The following CPEB3 variants were observed in gnomAD, a reference collection of about 807,000 sequenced individuals.
The protein encoded by CPEB3 is cytoplasmic polyadenylation element binding protein 3, also known as cytoplasmic polyadenylation element-binding protein 3.
A neutral mutation model predicts 67.2 loss-of-function variants in CPEB3; 20 were observed. The ratio of observed to expected loss-of-function variants is 0.30; its 90% confidence interval spans 0.21 to 0.43. The LOEUF (loss-of-function observed/expected upper bound fraction) is 0.43, where lower values mean the gene tolerates loss of function less well. CPEB3 is among the 20% of genes least tolerant of loss of function. The pLI is 1.00. For synonymous variants in CPEB3, 376 were observed against 393.1 expected (o/e 0.96, Z 0.51); for missense variants, 746 against 968.6 (o/e 0.77, Z 3.05).
intron 6 of CPEB3, among the ~76,000 whole-genome samples, chr10:92,123,389 GCAAGGAC>G (rs11279982): frequency 0.68 from 103,237 of 151,300 alleles, 37,001 homozygotes; most frequent in African/African-American, 0.91. Flanking sequence ...TAAGTCACAG[GCAAGGAC>G]CAAGGACGCT....
intron 3 of CPEB3, among the ~76,000 whole-genome samples, chr10:92,190,256 C>T (rs943930012): frequency 4.0e-5 from 6 of 151,706 alleles, no homozygotes; most frequent in East Asian, 1.9e-4. Context: ...CCAGCCTGGG[C>T]GACAAGAGCA....
At chr10:92,105,689 T>C (rs1844409367) in intron 7 of CPEB3, among the ~76,000 whole-genome samples, 1 of 151,700 alleles carries the variant, frequency 6.6e-6, no homozygotes, top group Non-Finnish European at 1.5e-5. Context: ...CTATAGATAC[T>C]GTGTATTTAT....
At chr10:92,111,474 T>C (rs1033734029) in intron 6 of CPEB3, among the ~76,000 whole-genome samples, 3 of 152,252 alleles carry the variant, frequency 2.0e-5, no homozygotes, top group East Asian at 1.9e-4. Context: ...GGACTCACCA[T>C]TGGCCTTAGC....
intron 1 of CPEB3, among the ~76,000 whole-genome samples, chr10:92,269,721 G>A (rs1384786164): frequency 6.6e-6 from 1 of 151,956 alleles, no homozygotes; most frequent in Non-Finnish European, 1.5e-5. Flanking sequence ...CTGTGCCCGG[G>A]TACTTTTTGT....
At chr10:92,190,665 CAAAAAAAAAAAAAAAAAAAAAAAAAAAA>C (rs780757034) in intron 3 of CPEB3, among the ~76,000 whole-genome samples, 1 of 78,396 alleles carries the variant, frequency 1.3e-5, no homozygotes, top group South Asian at 6.5e-4. Flanking sequence ...AACTCCATCT[CAAAAAAAAAAAAAAAAAAAAAAAAAAAA>C]AAAAAAAAAG....
At chr10:92,231,782 C>T (rs972119720) in intron 2 of CPEB3, among the ~76,000 whole-genome samples, 6 of 152,108 alleles carry the variant, frequency 3.9e-5, no homozygotes, top group African/African-American at 7.2e-5. Flanking sequence ...TGCAATGGCG[C>T]GATCTCGGCT....
chr10:92,102,013 A>G (rs1844212047), intron 7 of CPEB3, among the ~76,000 whole-genome samples: 1 of 152,186 alleles, frequency 6.6e-6, no homozygotes, highest in South Asian at 2.1e-4. Context: ...GAGCCACAAC[A>G]ATAATTGTGG....
chr10:92,167,963 A>G, intron 4 of CPEB3, among the ~76,000 whole-genome samples: 1 of 152,128 alleles, frequency 6.6e-6, no homozygotes, highest in Admixed American at 6.6e-5. Context: ...ATCACAAATC[A>G]CCATAACAGA....
At chr10:92,142,588 G>A (rs144613255) in intron 6 of CPEB3, among the ~76,000 whole-genome samples, 2,159 of 152,254 alleles carry the variant, frequency 0.014, 53 homozygotes, top group African/African-American at 0.049. Context: ...TACAGATGTG[G>A]ATAAAGATAA....
chr10:92,098,362 G>A (rs1327615258), intron 7 of CPEB3, among the ~76,000 whole-genome samples: 1 of 151,474 alleles, frequency 6.6e-6, no homozygotes, highest in East Asian at 2.0e-4. Flanking sequence ...AGGCTGGAGT[G>A]CAAAGGCACG....
chr10:92,158,263 A>G (rs868705628), intron 4 of CPEB3, among the ~76,000 whole-genome samples: 1 of 152,206 alleles, frequency 6.6e-6, no homozygotes, highest in Admixed American at 6.5e-5. Flanking sequence ...GCTAAATCAC[A>G]ATCTTAAAAA....
At chr10:92,082,817 G>T (rs57100892) in intron 8 of CPEB3, among the ~76,000 whole-genome samples, 1 of 152,074 alleles carries the variant, frequency 6.6e-6, no homozygotes, top group African/African-American at 2.4e-5. Flanking sequence ...TATAGTATTT[G>T]GAAAGGAGAA....
At chr10:92,253,913 A>G (rs1852413116) in intron 1 of CPEB3, among the ~76,000 whole-genome samples, 1 of 152,034 alleles carries the variant, frequency 6.6e-6, no homozygotes, top group Non-Finnish European at 1.5e-5. Flanking sequence ...CACCAAATGT[A>G]AAGATTTGAG....
chr10:92,173,621 G>C (rs1426052728), intron 4 of CPEB3, among the ~76,000 whole-genome samples: 1 of 152,054 alleles, frequency 6.6e-6, no homozygotes, highest in African/African-American at 2.4e-5. Flanking sequence ...TAAAGCAAAA[G>C]GTACCACCCT....
At chr10:92,132,393 T>C (rs538486788) in intron 6 of CPEB3, among the ~76,000 whole-genome samples, 4 of 152,120 alleles carry the variant, frequency 2.6e-5, no homozygotes, top group Non-Finnish European at 4.4e-5. Flanking sequence ...AAGATGTCAA[T>C]GTCAAAAGTA....
intron 4 of CPEB3, among the ~76,000 whole-genome samples, chr10:92,164,383 CAT>C (rs1454285946): frequency 6.6e-6 from 1 of 152,184 alleles, no homozygotes; most frequent in Non-Finnish European, 1.5e-5. Context: ...TATATATAAA[CAT>C]ATAACCACCA....
Position 92,050,302 on chromosome 10 carries a change from C to A in CPEB3, c.*1910G>T, listed in dbSNP as rs1841856957. On this transcript the variant is annotated 3_prime_UTR_variant, in exon 10 of 10. Coordinates refer to ENST00000265997, the MANE Select transcript of CPEB3 (RefSeq NM_014912.5). ...CTATTTTGTTTTTCCTTTTTGAAAA[C>A]AAACTATAGCTTGAGAGCCAGTAAT... is the stretch of plus-strand genomic sequence containing the variant. 1 of 152,402 alleles carries A rather than the reference C, an allele frequency of 6.6e-6. No individual in the cohort carries two copies. Among genetic ancestry groups the A allele is most frequent in the Non-Finnish European group, 1.5e-5 (1 of 67,992 alleles). The allele number at this position is 152,402 out of a possible 1,614,324, so 9.4% of individuals were successfully genotyped here.
chr10:92,137,335 A>T (rs1564809454), intron 6 of CPEB3: 3 of 848,372 alleles, frequency 3.5e-6, no homozygotes, highest in South Asian at 3.4e-5. Context: ...CCCTGGCCAT[A>T]TATCTGATAT....
At chr10:92,091,800 T>G in intron 8 of CPEB3, 30 bp downstream of exon 8, 1 of 1,349,122 alleles carries the variant, frequency 7.4e-7, no homozygotes, top group Non-Finnish European at 1.0e-6. Flanking sequence ...TTGTTGGTTT[T>G]GTTGTTGTGG....
Sources: allele counts gnomAD v4.1 joint callset (sites outside exome capture counted in the v4.1 genomes callset), GRCh38; gene constraint gnomAD v4.1.1; transcripts MANE v1.5; gene names NCBI Gene and HGNC (gene_info 2026-07-23, HGNC 2026-07-21).